The following CADM2 variants were observed in gnomAD, a reference collection of about 807,000 sequenced individuals.
CADM2 encodes cell adhesion molecule 2.
CADM2 carries 12 observed loss-of-function variants against 49.8 expected under a neutral mutation model. The ratio of observed to expected loss-of-function variants is 0.24; its 90% CI spans 0.15 to 0.39. The LOEUF (loss-of-function observed/expected upper bound fraction) is 0.39. Ranked by LOEUF, CADM2 falls within the 10% of genes least tolerant of loss-of-function variation. CADM2 has a pLI of 1.00. For synonymous variants in CADM2, 214 were observed against 175.4 expected (o/e 1.22, Z -1.74); for missense variants, 378 against 492.3 (o/e 0.77, Z 2.20).
chr3:85,215,690 G>A (rs2107780388), intron 1 of CADM2, among the ~76,000 whole-genome samples: 1 of 152,206 alleles, frequency 6.6e-6, no homozygotes, highest in Non-Finnish European at 1.5e-5. Context: ...AGTTTATGTA[G>A]GACTCCAGAG....
chr3:85,486,479 A>C (rs1435023540), intron 1 of CADM2, among the ~76,000 whole-genome samples: 1 of 152,174 alleles, frequency 6.6e-6, no homozygotes, highest in Non-Finnish European at 1.5e-5. Flanking sequence ...TAAATGCCTA[A>C]GTGAATGAAA....
At chr3:85,177,264 T>G (rs1040780485) in intron 1 of CADM2, among the ~76,000 whole-genome samples, 5 of 152,160 alleles carry the variant, frequency 3.3e-5, no homozygotes, top group African/African-American at 1.2e-4. Flanking sequence ...GGGCAGTAAG[T>G]TCTCTGTGTA....
chr3:85,048,898 A>T (rs1034346017), intron 1 of CADM2, among the ~76,000 whole-genome samples: 1 of 152,200 alleles, frequency 6.6e-6, no homozygotes, highest in Non-Finnish European at 1.5e-5. Context: ...CATAAAATAA[A>T]TCAGCAAGAA....
Position 85,769,671 on chromosome 3 carries a change from C to T in CADM2, c.89-32376C>T, listed in dbSNP as rs191229923. ...TATATACATATATAGTATATATATACACATATATACATATATATGATTTGT... is the reference window on the plus strand; with the variant it reads ...TATATACATATATAGTATATATATATACATATATACATATATATGATTTGT... On this transcript the variant is annotated intron_variant, in intron 2 of 9. Coordinates refer to ENST00000383699, the MANE Select transcript of CADM2 (RefSeq NM_001167675.2). 7.1e-3 allele frequency among the ~76,000 whole-genome samples: 981 copies of T among 137,530 alleles called. 7 individuals are homozygous for T. Among genetic ancestry groups the T allele is most frequent in the Non-Finnish European group, 0.011 (729 of 63,394 alleles). 90.2% of individuals were successfully genotyped at this position (137,530 alleles called of 152,430 possible). A position where few individuals can be genotyped will look rare whatever the true frequency, so the allele number is the denominator to read the frequency against.
intron 3 of CADM2, among the ~76,000 whole-genome samples, chr3:85,817,822 TAAAC>T (rs561456051): frequency 2.2e-3 from 327 of 151,082 alleles, no homozygotes; most frequent in African/African-American, 5.0e-3. Context: ...CAAAAACAAA[TAAAC>T]AAACAAAAAA....
chr3:84,980,621 G>T (rs1223725675), intron 1 of CADM2, among the ~76,000 whole-genome samples: 1 of 152,084 alleles, frequency 6.6e-6, no homozygotes, highest in Admixed American at 6.6e-5. Context: ...GTAACTTCAG[G>T]TTACTGGTAC....
intron 3 of CADM2, among the ~76,000 whole-genome samples, chr3:85,870,152 G>C (rs1238972457): frequency 6.6e-6 from 1 of 151,974 alleles, no homozygotes; most frequent in African/African-American, 2.4e-5. Context: ...TTTCTGCTTG[G>C]TAAAATTCCT....
intron 1 of CADM2, among the ~76,000 whole-genome samples, chr3:85,366,282 T>A (rs1030359141): frequency 6.6e-6 from 1 of 152,154 alleles, no homozygotes; most frequent in African/African-American, 2.4e-5. Context: ...ATTTTTTAAG[T>A]CTTTGAAGTC....
chr3:86,018,330 A>G (rs557545756), intron 8 of CADM2, among the ~76,000 whole-genome samples: 73 of 145,400 alleles, frequency 5.0e-4, no homozygotes, highest in Middle Eastern at 3.6e-3. Flanking sequence ...TAATGCCGCA[A>G]TAAACATACG....
intron 1 of CADM2, among the ~76,000 whole-genome samples, chr3:85,269,333 C>T (rs1487010939): frequency 2.6e-5 from 4 of 151,192 alleles, no homozygotes; most frequent in African/African-American, 7.3e-5. Flanking sequence ...CTTGAGAATT[C>T]GCTATTTTTT....
At chr3:85,688,054 C>T (rs1039392896) in intron 1 of CADM2, among the ~76,000 whole-genome samples, 16 of 152,210 alleles carry the variant, frequency 1.1e-4, no homozygotes, top group African/African-American at 3.9e-4. Flanking sequence ...GAAACCATCA[C>T]CCCCAGCAAC....
intron 1 of CADM2, among the ~76,000 whole-genome samples, chr3:85,071,931 G>A (rs1008947174): frequency 6.6e-6 from 1 of 150,656 alleles, no homozygotes; most frequent in African/African-American, 2.4e-5. Flanking sequence ...ACAGTCATGG[G>A]GCATAGGATT....
chr3:85,188,904 A>G (rs904309145), intron 1 of CADM2, among the ~76,000 whole-genome samples: 2 of 151,780 alleles, frequency 1.3e-5, no homozygotes, highest in African/African-American at 4.8e-5. Flanking sequence ...GGTGGCGGGC[A>G]CTTGTAGTCC....
intron 1 of CADM2, among the ~76,000 whole-genome samples, chr3:85,203,444 A>G (rs2041559154): frequency 6.6e-6 from 1 of 152,164 alleles, no homozygotes; most frequent in Non-Finnish European, 1.5e-5. Context: ...GAACACACAC[A>G]GCATTTATTG....
intron 8 of CADM2, among the ~76,000 whole-genome samples, chr3:86,026,199 G>T (rs903354954): frequency 1.3e-5 from 2 of 152,096 alleles, no homozygotes; most frequent in African/African-American, 4.8e-5. Flanking sequence ...TGGGAAAAAT[G>T]CGATTCAAAT....
chr3:85,409,670 G>A (rs1043903783), intron 1 of CADM2, among the ~76,000 whole-genome samples: 1 of 152,134 alleles, frequency 6.6e-6, no homozygotes, highest in Non-Finnish European at 1.5e-5. Context: ...ATGGAGGCAG[G>A]AGACCTGTTA....
intron 1 of CADM2, among the ~76,000 whole-genome samples, chr3:85,668,854 T>C (rs142116578): frequency 3.7e-4 from 57 of 152,304 alleles, no homozygotes; most frequent in African/African-American, 1.3e-3. Context: ...CTTTTGATTA[T>C]GTGCAATGTC....
intron 1 of CADM2, among the ~76,000 whole-genome samples, chr3:85,439,889 G>C (rs372102553): frequency 2.6e-5 from 4 of 152,114 alleles, no homozygotes; most frequent in Non-Finnish European, 4.4e-5. Flanking sequence ...CTTCCTACCT[G>C]TATAATGTAA....
At chr3:85,491,528 G>A (rs1285460958) in intron 1 of CADM2, among the ~76,000 whole-genome samples, 1 of 152,056 alleles carries the variant, frequency 6.6e-6, no homozygotes, top group African/African-American at 2.4e-5. Context: ...AATAACTGTT[G>A]AAGTTACATT....
Sources: allele counts gnomAD v4.1 joint callset (sites outside exome capture counted in the v4.1 genomes callset), GRCh38; gene constraint gnomAD v4.1.1; transcripts MANE v1.5; gene names NCBI Gene and HGNC (gene_info 2026-07-23, HGNC 2026-07-21).